CLVS1: variants seen among roughly 807,000 people sequenced by gnomAD.
CLVS1 encodes clavesin-1.
Under a neutral mutation model 33.1 loss-of-function variants are expected in CLVS1, and 10 were observed. That is an observed-to-expected ratio of 0.30 (90% CI 0.19 to 0.51). The LOEUF (loss-of-function observed/expected upper bound fraction) is 0.51, where lower values mean the gene tolerates loss of function less well. CLVS1 is among the 20% of genes least tolerant of loss of function. The pLI is 0.97. For synonymous variants in CLVS1, 163 were observed against 166.1 expected, an observed-to-expected ratio of 0.98 and a Z score of 0.14; for missense variants, 343 against 433.4, an observed-to-expected ratio of 0.79 and a Z score of 1.85.
At chr8:61,387,482 TTTTTTA>T (rs1041685484) in intron 3 of CLVS1, among the ~76,000 whole-genome samples, 12 of 149,484 alleles carry the variant, frequency 8.0e-5, no homozygotes, top group Middle Eastern at 3.4e-3. Flanking sequence ...TTTTTTTTTT[TTTTTTA>T]AATTTCAATA....
chr8:61,476,454 G>T (rs1817935906), intron 5 of CLVS1, among the ~76,000 whole-genome samples: 1 of 152,116 alleles, frequency 6.6e-6, no homozygotes, highest in Non-Finnish European at 1.5e-5. Flanking sequence ...CCATTTGTTT[G>T]TATCCTCTTT....
intron 1 of CLVS1, among the ~76,000 whole-genome samples, chr8:61,083,043 G>A (rs1462486820): frequency 6.6e-6 from 1 of 152,000 alleles, no homozygotes; most frequent in Non-Finnish European, 1.5e-5. Flanking sequence ...ACATTAAGGA[G>A]GTTTGTCACC....
chr8:61,362,981 G>T (rs1180519887), intron 2 of CLVS1, among the ~76,000 whole-genome samples: 1 of 152,194 alleles, frequency 6.6e-6, no homozygotes, highest in African/African-American at 2.4e-5. Flanking sequence ...CTAGGAAAGC[G>T]CTCCTTGTAA....
chr8:61,436,992 G>A (rs1021633599), intron 3 of CLVS1, among the ~76,000 whole-genome samples: 21 of 152,120 alleles, frequency 1.4e-4, no homozygotes, highest in African/African-American at 4.8e-4. Context: ...GAAATTGTAG[G>A]GGTAGTAAAT....
Position 61,149,551 on chromosome 8 carries a change from C to CAAAAAAAAAAAA in CLVS1, c.-152+17697_-152+17708dup, listed in dbSNP as rs1166606940. Among the ~76,000 whole-genome samples the CAAAAAAAAAAAA allele has an allele frequency of 1.3e-3, 66 of 51,726 alleles. 2 individuals are homozygous for CAAAAAAAAAAAA. The highest frequency in any genetic ancestry group is 2.5e-3 in the African/African-American group (40 of 16,114). 33.9% of individuals were successfully genotyped at this position (51,726 alleles called of 152,430 possible). ...TAGGCGACAGAACGAGACTCTGTCT[C>CAAAAAAAAAAAA]AAAAAAAAAAAAAAAAACAAAAAAC... On this transcript the variant is annotated intron_variant, in intron 2 of 2. Transcript: ENST00000522621.
At chr8:61,241,307 A>G (rs1808693011) in intron 2 of CLVS1, among the ~76,000 whole-genome samples, 1 of 152,126 alleles carries the variant, frequency 6.6e-6, no homozygotes, top group Non-Finnish European at 1.5e-5. Context: ...TGATTATTTG[A>G]TGTTTTTAAT....
rs143125186 is a variant in CLVS1 at position 61,183,421 on chromosome 8, A to G, written c.-152+51561A>G. Among the ~76,000 whole-genome samples, 221 of 152,364 alleles carry G rather than the reference A, an allele frequency of 1.5e-3. 2 individuals carry two copies. Among genetic ancestry groups the G allele is most frequent in the African/African-American group, 5.2e-3 (215 of 41,576 alleles). On this transcript the variant is annotated intron_variant, in intron 2 of 2. Transcript: ENST00000522621. The stretch of plus-strand genomic sequence containing the variant: ...ACTATTGGCTTTTAATGATGATCAG[A>G]TGACATTGTAAATTTGTCCTGAGTT...
At chr8:61,321,430 C>T (rs1811191222) in intron 2 of CLVS1, among the ~76,000 whole-genome samples, 1 of 151,692 alleles carries the variant, frequency 6.6e-6, no homozygotes, top group Admixed American at 6.6e-5. Flanking sequence ...ATAAGATTCT[C>T]TCCTATTCTT....
At chr8:61,232,022 GGTTTTTT>G (rs1485753671) in intron 2 of CLVS1, among the ~76,000 whole-genome samples, 8 of 117,070 alleles carry the variant, frequency 6.8e-5, no homozygotes, top group African/African-American at 4.5e-5. Context: ...GGAAAGTTGT[GGTTTTTT>G]TTTTTTTTTT....
chr8:61,346,095 A>G (rs1034877836), intron 2 of CLVS1, among the ~76,000 whole-genome samples: 1 of 152,236 alleles, frequency 6.6e-6, no homozygotes, highest in Non-Finnish European at 1.5e-5. Context: ...CCAAAAATAA[A>G]TAAGTAAATA....
At chr8:61,448,052 G>A (rs1199842233) in intron 3 of CLVS1, among the ~76,000 whole-genome samples, 3 of 151,812 alleles carry the variant, frequency 2.0e-5, no homozygotes, top group Admixed American at 1.3e-4. Flanking sequence ...CTTTTTTTCA[G>A]TACCTGAAAA....
intron 2 of CLVS1, among the ~76,000 whole-genome samples, chr8:61,279,049 G>A (rs1809617890): frequency 6.6e-6 from 1 of 152,244 alleles, no homozygotes; most frequent in Admixed American, 6.5e-5. Flanking sequence ...TCAAACTGCA[G>A]CTCTAGATTT....
At chr8:61,385,958 A>T (rs1199580998) in intron 3 of CLVS1, among the ~76,000 whole-genome samples, 1 of 152,220 alleles carries the variant, frequency 6.6e-6, no homozygotes, top group Non-Finnish European at 1.5e-5. Flanking sequence ...GGAGGTAGAC[A>T]TTTGAGGGAC....
At chr8:61,353,453 C>CAAAG (rs775001444) in intron 2 of CLVS1, among the ~76,000 whole-genome samples, 5 of 151,548 alleles carry the variant, frequency 3.3e-5, no homozygotes, top group Non-Finnish European at 7.4e-5. Flanking sequence ...ATCTATAGAT[C>CAAAG]AAAGAAGAAG....
At chr8:61,002,859 G>A in the CLVS1 span, among the ~76,000 whole-genome samples, 1 of 152,164 alleles carries the variant, frequency 6.6e-6, no homozygotes, top group East Asian at 1.9e-4. Context: ...GGAGGGTCTG[G>A]TAGAAAAGGA....
chr8:61,499,515 C>G lies in CLVS1; in HGVS notation c.1038C>G (p.Asn346Lys). The change falls in exon 6 of 6, where the codon AAC becomes AAG. Residue 346 changes from asparagine (N) to lysine (K), a missense_variant. This residue lies in a region of CLVS1 where 86 missense variants were observed against 95.0 expected (regional missense o/e 0.91). Transcript: ENST00000325897. Reference sequence around the variant, plus strand: ...ATGAGGAGAAGGGAGAGAATGAGAACACCCAGCCACTCCTGGCTCTGGACT... The same window carrying G: ...ATGAGGAGAAGGGAGAGAATGAGAAGACCCAGCCACTCCTGGCTCTGGACT... ...LKHEEKGENE[N>K]TQPLLALD 6.2e-7 allele frequency: 1 copy of G among 1,613,672 alleles called. No individual in the cohort carries two copies. The highest frequency in any genetic ancestry group is 1.1e-5 in the South Asian group (1 of 91,076).
At chr8:60,993,023 A>C in the CLVS1 span, among the ~76,000 whole-genome samples, 1 of 152,230 alleles carries the variant, frequency 6.6e-6, no homozygotes, top group Non-Finnish European at 1.5e-5. Context: ...GGGCTGGAGC[A>C]CTAAAAAGCT....
At chr8:61,149,678 T>A (rs1346465094) in intron 2 of CLVS1, among the ~76,000 whole-genome samples, 1 of 152,008 alleles carries the variant, frequency 6.6e-6, no homozygotes, top group African/African-American at 2.4e-5. Flanking sequence ...GGGAGACTCA[T>A]TTGAACTTAA....
chr8:61,448,982 A>G (rs73685043), intron 3 of CLVS1, among the ~76,000 whole-genome samples: 1 of 150,500 alleles, frequency 6.6e-6, no homozygotes, highest in Admixed American at 6.6e-5. Context: ...AAATCTGGAC[A>G]TTTCTGTATT....
Sources: gnomAD v4.1 joint callset for allele counts (sites outside exome capture counted in the v4.1 genomes callset) on GRCh38, gnomAD v4.1.1 for gene constraint, gnomAD v4.1.1 regional missense constraint, MANE v1.5 for transcripts, NCBI Gene and HGNC (gene_info 2026-07-23, HGNC 2026-07-21) for gene names.